VILL: variants seen among roughly 807,000 people sequenced by gnomAD.
VILL encodes villin-like protein.
In VILL, 102 loss-of-function variants were observed where a neutral mutation model predicts 106.3. That is an observed-to-expected ratio of 0.96 (90% confidence interval 0.82 to 1.13). The LOEUF (loss-of-function observed/expected upper bound fraction) is 1.13. Among genes scored for constraint, VILL ranks in the 50% most tolerant of loss-of-function variants. The probability of loss-of-function intolerance (pLI) is 0.00; values close to 1 mark genes in which losing one functional copy is unlikely to be tolerated. For synonymous variants in VILL, 431 were observed against 440.3 expected (o/e 0.98, Z 0.27); for missense variants, 1,076 against 1,116.6 (o/e 0.96, Z 0.52).
upstream of VILL, among the ~76,000 whole-genome samples, chr3:37,988,821 C>T (rs1406150090): frequency 6.6e-6 from 1 of 152,190 alleles, no homozygotes; most frequent in Non-Finnish European, 1.5e-5. Flanking sequence ...AAGATCATGC[C>T]ATTGCACTCC....
chr3:38,000,418 G>A (rs1281024415), intron 11 of VILL, among the ~76,000 whole-genome samples: 1 of 151,876 alleles, frequency 6.6e-6, no homozygotes, highest in Non-Finnish European at 1.5e-5. Flanking sequence ...AGAGGGAAGG[G>A]AGGAGGAGGT....
At position 37,997,376 on chromosome 3, in the gene VILL, T is replaced by C; in HGVS notation, c.562-107T>C. The C allele has an allele frequency of 2.3e-6, 3 of 1,290,230 alleles. No homozygotes were observed. Among genetic ancestry groups the C allele is most frequent in the Non-Finnish European group, 3.3e-6 (3 of 918,546 alleles). The allele number at this position is 1,290,230 out of a possible 1,614,324, so 79.9% of individuals were successfully genotyped here. On this transcript the variant is annotated intron_variant, in intron 6 of 19. Coordinates refer to ENST00000383759, the MANE Select transcript of VILL (RefSeq NM_015873.4). The surrounding 1 kb of genome is among the most constrained non-coding windows in gnomAD (Gnocchi z 4.7). ...CCCTGGATGCCAGGATGAGGGGACA[T>C]CAGCCCTTCTCCCCATCAGCCTCTG...
At chr3:37,995,483 G>A (rs984833189) in intron 4 of VILL, among the ~76,000 whole-genome samples, 16 of 152,216 alleles carry the variant, frequency 1.1e-4, no homozygotes, top group Admixed American at 3.9e-4. Context: ...GCCCCCAAAT[G>A]TATGTACATG....
chr3:38,005,511 G>A (rs749355997), intron 16 of VILL, among the ~76,000 whole-genome samples: 2 of 152,136 alleles, frequency 1.3e-5, no homozygotes, highest in Non-Finnish European at 2.9e-5. Flanking sequence ...CCGGCACACA[G>A]TAGGTGCTCA....
intron 12 of VILL, 29 bp downstream of exon 12, chr3:38,001,622 A>T (rs956164924): frequency 5.0e-6 from 8 of 1,613,444 alleles, no homozygotes; most frequent in Non-Finnish European, 5.9e-6. Context: ...GGCAGCACTC[A>T]CCTTAAAGCC....
Position 38,002,507 on chromosome 3 carries a change from T to C in VILL, c.1591T>C (p.Ser531Pro), listed in dbSNP as rs745364912. The change falls in exon 14 of 20, where the codon TCA becomes CCA. Residue 531 changes from serine (S) to proline (P), a missense_variant. Transcript: ENST00000383759. ...TRTMEVPARA[S>P]SLNSSDIFLL... ...GACCATGGAGGTGCCAGCCCGTGCC[T>C]CATCCCTCAACTCCAGTGACATCTT... 1 of 1,614,186 alleles carries C rather than the reference T, an allele frequency of 6.2e-7. No individual in the cohort carries two copies. The highest frequency in any genetic ancestry group is 8.5e-7 in the Non-Finnish European group (1 of 1,180,008).
chr3:37,989,920 C>T (rs960053609), upstream of VILL, among the ~76,000 whole-genome samples: 1 of 152,202 alleles, frequency 6.6e-6, no homozygotes, highest in Non-Finnish European at 1.5e-5. Context: ...ACACAGACTG[C>T]CCCCGAGTCC....
intron 1 of VILL, among the ~76,000 whole-genome samples, chr3:37,991,545 G>T (rs891077676): frequency 1.3e-5 from 2 of 151,796 alleles, no homozygotes; most frequent in Non-Finnish European, 2.9e-5. Context: ...GGGGCACCCA[G>T]TGGGGACAGA....
rs751305489 is a variant in VILL, at chr3:37,998,133, A to AC, written c.815dup (p.Leu273ThrfsTer30). 3.7e-5 allele frequency: 60 copies of AC among 1,612,532 alleles called. No homozygotes were observed. The highest frequency in any genetic ancestry group is 3.3e-4 in the Middle Eastern group (2 of 6,058). ...AGACCTGGTGGTCCTGGAGTTGGCG[A>AC]CCCCCCCACTGACCCAGGACCTGCT... On this transcript the variant is annotated frameshift_variant, in exon 8 of 20. Coordinates refer to ENST00000383759, the MANE Select transcript of VILL (RefSeq NM_015873.4). LOFTEE classifies it high-confidence loss of function. The surrounding 1 kb of genome is among the most constrained non-coding windows in gnomAD (Gnocchi z 4.1).
Position 37,998,910 on chromosome 3 carries a change from A to C in VILL, c.943-2A>C. On this transcript the variant is annotated splice_acceptor_variant, in intron 9 of 19. Coordinates refer to ENST00000383759, the MANE Select transcript of VILL (RefSeq NM_015873.4). LOFTEE classifies it high-confidence loss of function. This position sits in a 1 kb window ranked among gnomAD's most constrained non-coding sequence, Gnocchi z 4.1. ...CAGGACTGACGATGCCTTCCGCCCC[A>C]GGGCTTCATCCAGGCCAAGGGCTAC... The C allele has an allele frequency of 6.3e-7, 1 of 1,593,968 alleles. No homozygotes were observed. The highest frequency in any genetic ancestry group is 8.6e-7 in the Non-Finnish European group (1 of 1,165,452).
intron 15 of VILL, chr3:38,004,013 A>C: frequency 4.6e-6 from 2 of 434,354 alleles, no homozygotes; most frequent in Non-Finnish European, 8.2e-6. Flanking sequence ...GCCCTCTCCT[A>C]GGGAAATTCA....
Position 37,997,214 on chromosome 3 carries a change from A to AG in VILL, c.561+28dup. The AG allele has an allele frequency of 1.2e-6, 2 of 1,605,244 alleles. No individual in the cohort carries two copies. The highest frequency in any genetic ancestry group is 1.7e-6 in the Non-Finnish European group (2 of 1,172,184). On this transcript the variant is annotated intron_variant, in intron 6 of 19. Coordinates refer to ENST00000383759, the MANE Select transcript of VILL (RefSeq NM_015873.4). The surrounding 1 kb of genome is among the most constrained non-coding windows in gnomAD (Gnocchi z 4.7). ...TCAGTGTCTGCCCAAGGAACTGGGG[A>AG]GTACGGGGCTTGGGCGGGGAATGAT...
At chr3:37,999,462 G>A in intron 11 of VILL, 23 bp downstream of exon 11, 1 of 1,452,230 alleles carries the variant, frequency 6.9e-7, no homozygotes, top group Non-Finnish European at 9.1e-7. Context: ...GGGTTAGCTG[G>A]GGGAAGATGG....
intron 11 of VILL, among the ~76,000 whole-genome samples, chr3:37,999,641 C>T (rs1195784788): frequency 1.3e-5 from 2 of 152,174 alleles, no homozygotes; most frequent in Non-Finnish European, 2.9e-5. Context: ...CAGCCACGGG[C>T]ACTCACACAA....
chr3:38,005,079 T>G (rs1699890215), intron 16 of VILL, among the ~76,000 whole-genome samples: 1 of 152,128 alleles, frequency 6.6e-6, no homozygotes, highest in Admixed American at 6.5e-5. Context: ...GCTGTCTGGC[T>G]GTGTGGCGAT....
In VILL at chr3:37,999,364, C is replaced by A; in HGVS notation, c.1107C>A (p.Asp369Glu). 6.6e-7 allele frequency: 1 copy of A among 1,512,200 alleles called. No individual in the cohort carries two copies. Among genetic ancestry groups the A allele is most frequent in the South Asian group, 1.3e-5 (1 of 76,642 alleles). 93.7% of individuals were successfully genotyped at this position (1,512,200 alleles called of 1,614,324 possible). A position where few individuals can be genotyped will look rare whatever the true frequency, so the allele number is the denominator to read the frequency against. The part of the protein sequence containing the change: ...GRDKSIHVKL[D>E]VGKLHTQPKL... Reference sequence around the variant, plus strand: ...ATAAATCGATTCATGTAAAGCTGGACGTGGGCAAGCTGCACACCCAGCCTA... The same window carrying A: ...ATAAATCGATTCATGTAAAGCTGGAAGTGGGCAAGCTGCACACCCAGCCTA... Residue 369 changes from aspartate to glutamate, a missense_variant, in exon 11 of 20, where the codon GAC (aspartate) becomes GAA (glutamate). Coordinates refer to ENST00000383759, the MANE Select transcript of VILL (RefSeq NM_015873.4).
chr3:37,988,814 A>T (rs888407710), upstream of VILL, among the ~76,000 whole-genome samples: 6 of 152,256 alleles, frequency 3.9e-5, no homozygotes, highest in African/African-American at 1.4e-4. Context: ...GTGAGCCAAG[A>T]TCATGCCATT....
At chr3:37,988,541 T>C (rs537934165), upstream of VILL, among the ~76,000 whole-genome samples, 23 of 152,270 alleles carry the variant, frequency 1.5e-4, no homozygotes, top group South Asian at 4.8e-3. Context: ...AATATGAGTG[T>C]CCTTAACACC....
chr3:37,993,291 G>A (rs370920409), intron 1 of VILL: 30 of 255,626 alleles, frequency 1.2e-4, no homozygotes, highest in Middle Eastern at 1.4e-3. Context: ...TTTATACAGA[G>A]TTCAGCTCTG....
Sources: allele counts gnomAD v4.1 joint callset (sites outside exome capture counted in the v4.1 genomes callset), GRCh38; gene constraint gnomAD v4.1.1; non-coding constraint Gnocchi (gnomAD v3.1); transcripts MANE v1.5; gene names NCBI Gene and HGNC (gene_info 2026-07-23, HGNC 2026-07-21).